PRPF19: variants seen among roughly 807,000 people sequenced by gnomAD.
PRPF19 encodes pre-mRNA processing factor 19.
A neutral mutation model predicts 64.2 loss-of-function variants in PRPF19; 2 were observed. The ratio of observed to expected loss-of-function variants is 0.03; its 90% CI spans 0.01 to 0.10. PRPF19 has a LOEUF of 0.10. Ranked by LOEUF, PRPF19 falls within the 10% of genes least tolerant of loss-of-function variation. PRPF19 has a pLI of 1.00. For synonymous variants in PRPF19, 226 were observed against 251.6 expected, an observed-to-expected ratio of 0.90 and a Z score of 0.96; for missense variants, 314 against 650.0, an observed-to-expected ratio of 0.48 and a Z score of 5.62.
At chr11:60,897,443 A>T (rs1855934207) in intron 15 of PRPF19, 1 of 164,736 alleles carries the variant, frequency 6.1e-6, no homozygotes, top group African/African-American at 2.4e-5. Context: ...CCCCATTATT[A>T]AGTGATATAT....
chr11:60,900,498 C>T (rs1193493748), intron 10 of PRPF19, 84 bp downstream of exon 10: 9 of 1,141,254 alleles, frequency 7.9e-6, no homozygotes, highest in Non-Finnish European at 1.1e-5. Flanking sequence ...TTTCCCAGCC[C>T]CACTTCACAG....
In PRPF19 at chr11:60,898,823, C is replaced by T. The variant is rs925823977; in HGVS notation, c.1054+39G>A. 6.6e-7 allele frequency: 1 copy of T among 1,518,874 alleles called. No homozygotes were observed. Among genetic ancestry groups the T allele is most frequent in the Non-Finnish European group, 8.8e-7 (1 of 1,130,988 alleles). The allele number at this position is 1,518,874 out of a possible 1,614,324, so 94.1% of individuals were successfully genotyped here. A position where few individuals can be genotyped will look rare whatever the true frequency, so the allele number is the denominator to read the frequency against. On this transcript the variant is annotated intron_variant, in intron 12 of 15. Transcript: ENST00000227524. This position sits in a 1 kb window ranked among gnomAD's most constrained non-coding sequence, Gnocchi z 4.6. ...ATAAAATGTAAAAATAAATAATAAA[C>T]AGCAAACAAAAAAGCTGAGTGCCTA... is the stretch of plus-strand genomic sequence containing the variant.
intron 15 of PRPF19, among the ~76,000 whole-genome samples, chr11:60,891,957 T>C (rs577022407): frequency 1.1e-4 from 16 of 152,312 alleles, no homozygotes; most frequent in African/African-American, 3.9e-4. Context: ...AGAAATATCT[T>C]GTATCCTGCT....
intron 11 of PRPF19, 30 bp downstream of exon 11, chr11:60,899,119 G>T (rs374476948): frequency 6.3e-7 from 1 of 1,597,234 alleles, no homozygotes; most frequent in Non-Finnish European, 8.5e-7. Context: ...GGACCAGCAG[G>T]CCTCTCCAGG....
intron 15 of PRPF19, among the ~76,000 whole-genome samples, chr11:60,894,129 G>A (rs1008326474): frequency 1.3e-5 from 2 of 152,204 alleles, no homozygotes; most frequent in African/African-American, 4.8e-5. Context: ...GACAAGGGTG[G>A]TGTTTGCTGA....
At chr11:60,892,469 C>T (rs765278707) in intron 15 of PRPF19, among the ~76,000 whole-genome samples, 26 of 152,168 alleles carry the variant, frequency 1.7e-4, no homozygotes, top group Non-Finnish European at 3.4e-4. Flanking sequence ...CCCGATTTAC[C>T]ATGGTTCAAC....
In PRPF19 at chr11:60,897,898, C is replaced by G. The variant is rs767371353; in HGVS notation, c.1365G>C (p.Thr455=). ...QSGTYLALGG[T]DVQIYICKQW... Reference sequence around the variant, plus strand: ...GTTTGCAGATGTAGATCTGGACATCCGTGCCCCCAAGAGCCAGGTAGGTAC... The same window carrying G: ...GTTTGCAGATGTAGATCTGGACATCGGTGCCCCCAAGAGCCAGGTAGGTAC... Residue 455 remains threonine, a synonymous_variant, in exon 15 of 16, where the codon ACG becomes ACC. Coordinates refer to ENST00000227524, the MANE Select transcript of PRPF19 (RefSeq NM_014502.5). 6.2e-7 allele frequency: 1 copy of G among 1,614,156 alleles called. No homozygotes were observed. The highest frequency in any genetic ancestry group is 1.7e-5 in the Admixed American group (1 of 60,010).
chr11:60,900,530 C>G (rs1855972772), intron 10 of PRPF19, 52 bp downstream of exon 10: 2 of 1,402,338 alleles, frequency 1.4e-6, no homozygotes, highest in Non-Finnish European at 2.0e-6. Context: ...GGGTGAGGGA[C>G]AAACAACAGC....
At chr11:60,903,079 A>G (rs1392377655) in intron 3 of PRPF19, among the ~76,000 whole-genome samples, 198 bp from the exon 4 acceptor site, 2 of 152,164 alleles carry the variant, frequency 1.3e-5, no homozygotes, top group East Asian at 1.9e-4. Flanking sequence ...CTGGGCACAC[A>G]GACAGGAGTG....
chr11:60,901,217 A>C, intron 8 of PRPF19, 78 bp downstream of exon 8: 2 of 1,472,576 alleles, frequency 1.4e-6, no homozygotes, highest in Non-Finnish European at 1.9e-6. Flanking sequence ...TGCACTCAGC[A>C]CTCCCCATGC....
At chr11:60,892,328 G>A (rs967911754) in intron 15 of PRPF19, among the ~76,000 whole-genome samples, 1 of 152,142 alleles carries the variant, frequency 6.6e-6, no homozygotes, top group Non-Finnish European at 1.5e-5. Flanking sequence ...AATTACATCA[G>A]TGCCCAAATC....
chr11:60,902,895 A>G lies in PRPF19; in HGVS notation c.247-14T>C, dbSNP rs756193101. ...CATGACTGCATCCTGGGAGAAGCAA[A>G]TATCATTGTAAGGTGAGGTGGGGGG... On this transcript the variant is annotated splice_polypyrimidine_tract_variant and intron_variant, in intron 3 of 15. Transcript: ENST00000227524. This position sits in a 1 kb window ranked among gnomAD's most constrained non-coding sequence, Gnocchi z 5.0. The G allele has an allele frequency of 2.5e-6, 4 of 1,612,164 alleles. No individual in the cohort carries two copies. The highest frequency in any genetic ancestry group is 1.1e-5 in the South Asian group (1 of 91,020).
rs763076277 is a variant in PRPF19 at position 60,900,861 on chromosome 11, G to A, written c.711C>T (p.Ile237=). The A allele has an allele frequency of 1.9e-6, 3 of 1,614,080 alleles. No individual in the cohort carries two copies. The East Asian group carries it at 6.7e-5, about 36-fold the overall frequency. The change falls in exon 9 of 16, where the codon ATC becomes ATT. Residue 237 remains isoleucine (I), a synonymous_variant. Transcript: ENST00000227524. ...CTAGGCCCAGACTCTCACCAGTGAG[G>A]ATCTTGTTGGTGTCGGACGGGCAGA... ...LDLCPSDTNK[I]LTGGADKNVV... is the part of the protein sequence containing the mutation.
chr11:60,901,087 G>C (rs146692119), intron 8 of PRPF19, among the ~76,000 whole-genome samples, 158 bp from the exon 9 acceptor site: 1 of 152,106 alleles, frequency 6.6e-6, no homozygotes, highest in Non-Finnish European at 1.5e-5. Context: ...TGCCTGGTAC[G>C]GTAACTCCCT....
Position 60,901,511 on chromosome 11 carries a change from C to T in PRPF19, c.555G>A (p.Thr185=), listed in dbSNP as rs775432765. Residue 185 remains threonine, a synonymous_variant, in exon 7 of 16, where the codon ACG becomes ACA. Coordinates refer to ENST00000227524, the MANE Select transcript of PRPF19 (RefSeq NM_014502.5). Reference sequence around the variant, plus strand: ...AAAGAGAACTCACCTTCTTGCGCTCCGTGGTTAGCACAGTGGCTTTGTCTT... The same window carrying T: ...AAAGAGAACTCACCTTCTTGCGCTCTGTGGTTAGCACAGTGGCTTTGTCTT... ...KLQDKATVLT[T]ERKKRGKTVP... 32 of 1,614,090 alleles carry T rather than the reference C, an allele frequency of 2.0e-5. No homozygotes were observed. Among genetic ancestry groups the T allele is most frequent in the Non-Finnish European group, 2.5e-5 (29 of 1,180,058 alleles).
intron 14 of PRPF19, 34 bp from the exon 15 acceptor site, chr11:60,897,985 G>T: frequency 1.2e-6 from 2 of 1,610,784 alleles, no homozygotes; most frequent in African/African-American, 1.3e-5. Flanking sequence ...GGTCACACAA[G>T]GGGAACAGAA....
At chr11:60,892,685 C>A (rs7116665) in intron 15 of PRPF19, among the ~76,000 whole-genome samples, 48,241 of 151,792 alleles carry the variant, frequency 0.32, 8,815 homozygotes, top group Middle Eastern at 0.4. Context: ...GGGCTTTGAA[C>A]CAAGGTCTCT....
At chr11:60,899,605 T>C (rs1248938070) in intron 10 of PRPF19, among the ~76,000 whole-genome samples, 1 of 152,210 alleles carries the variant, frequency 6.6e-6, no homozygotes, top group East Asian at 1.9e-4. Context: ...AAAATGTAGC[T>C]AGTACAATTG....
At chr11:60,904,640 G>A (rs534590305) in intron 1 of PRPF19, among the ~76,000 whole-genome samples, 10 of 68,682 alleles carry the variant, frequency 1.5e-4, no homozygotes, top group African/African-American at 3.3e-4. Flanking sequence ...TTATTGTAAA[G>A]GATATTACAA....
Sources: allele counts gnomAD v4.1 joint callset (sites outside exome capture counted in the v4.1 genomes callset), GRCh38; gene constraint gnomAD v4.1.1; non-coding constraint Gnocchi (gnomAD v3.1); transcripts MANE v1.5; gene names NCBI Gene and HGNC (gene_info 2026-07-23, HGNC 2026-07-21).